KIF5C: variants seen among roughly 807,000 people sequenced by gnomAD.
KIF5C encodes kinesin family member 5C, also known as kinesin heavy chain isoform 5C.
In KIF5C, 18 loss-of-function variants were observed where a neutral mutation model predicts 125.2. That is an observed-to-expected ratio of 0.14 (90% CI 0.10 to 0.21). KIF5C has a LOEUF of 0.21. Ranked by LOEUF, KIF5C falls within the 10% of genes least tolerant of loss-of-function variation. The probability of loss-of-function intolerance (pLI) is 1.00; values close to 1 mark genes in which losing one functional copy is unlikely to be tolerated. For missense variants in KIF5C, 780 were observed against 1,183.8 expected, an observed-to-expected ratio of 0.66 and a Z score of 5.01; for synonymous variants, 405 against 434.0, an observed-to-expected ratio of 0.93 and a Z score of 0.83.
chr2:148,982,421 T>TCCTGGGCTTGTGC (rs1681261759), intron 14 of KIF5C, among the ~76,000 whole-genome samples: 1 of 152,220 alleles, frequency 6.6e-6, no homozygotes, highest in Non-Finnish European at 1.5e-5. Context: ...TGGCCTGGTG[T>TCCTGGGCTTGTGC]CCTGGGCTTG....
At chr2:148,931,527 G>A (rs1452547010) in intron 3 of KIF5C, among the ~76,000 whole-genome samples, 1 of 152,172 alleles carries the variant, frequency 6.6e-6, no homozygotes, top group African/African-American at 2.4e-5. Context: ...GCCAGGCGTG[G>A]TGGCGCACAT....
At chr2:148,986,883 A>C (rs962962408) in intron 15 of KIF5C, among the ~76,000 whole-genome samples, 2 of 152,254 alleles carry the variant, frequency 1.3e-5, no homozygotes, top group Non-Finnish European at 2.9e-5. Context: ...CAACAAAACA[A>C]GATGAGTCCA....
At chr2:148,935,125 AT>A in intron 3 of KIF5C, 2 of 367,780 alleles carry the variant, frequency 5.4e-6, no homozygotes, top group Non-Finnish European at 1.1e-5. Context: ...TCTCACATTG[AT>A]TTTAGGGTGA....
chr2:148,875,569 G>GCCCCGGCCCCCCCCCCCCCC lies in KIF5C; in HGVS notation c.-37_-36insCCCCCCCCCCCCGGCCCCCC. 1 of 689,868 alleles carries GCCCCGGCCCCCCCCCCCCCC rather than the reference G, an allele frequency of 1.4e-6. No individual in the cohort carries two copies. Among genetic ancestry groups the GCCCCGGCCCCCCCCCCCCCC allele is most frequent in the Non-Finnish European group, 2.6e-6 (1 of 380,192 alleles). 42.7% of individuals were successfully genotyped at this position (689,868 alleles called of 1,614,324 possible). A position where few individuals can be genotyped will look rare whatever the true frequency, so the allele number is the denominator to read the frequency against. The stretch of plus-strand genomic sequence containing the variant: ...GCGGCCTCCTCCCTCGTCGTTCCCG[G>GCCCCGGCCCCCCCCCCCCCC]CCCCGGCCCCCCACCCATCCCCGTG... On this transcript the variant is annotated 5_prime_UTR_variant, in exon 1 of 26. Transcript: ENST00000435030.
rs147176570 is a variant in KIF5C at position 149,016,955 on chromosome 2, G to T, written c.*7+5272G>T. The stretch of plus-strand genomic sequence containing the variant: ...CCTGAGGATCATGTGGGGGCACAGA[G>T]GTCAAGTGAAGACCTTGACCCTAGA... On this transcript the variant is annotated intron_variant, in intron 25 of 25. Transcript: ENST00000435030. Among the ~76,000 whole-genome samples, 16 of 152,258 alleles carry T rather than the reference G, an allele frequency of 1.1e-4. 1 individual carries two copies. The highest frequency in any genetic ancestry group is 3.9e-4 in the African/African-American group (16 of 41,532).
At chr2:148,951,568 T>C (rs1455580186) in intron 10 of KIF5C, among the ~76,000 whole-genome samples, 1 of 152,172 alleles carries the variant, frequency 6.6e-6, no homozygotes, top group Non-Finnish European at 1.5e-5. Context: ...CCCAGAGTGC[T>C]TGCGGTTCTG....
chr2:149,022,165 G>A (rs1682550746), intron 25 of KIF5C, among the ~76,000 whole-genome samples: 1 of 152,074 alleles, frequency 6.6e-6, no homozygotes, highest in Admixed American at 6.5e-5. Flanking sequence ...CTGGGTTAGG[G>A]GCCTTGTTGC....
intron 25 of KIF5C, among the ~76,000 whole-genome samples, chr2:149,021,431 C>G (rs1682531692): frequency 6.6e-6 from 1 of 151,304 alleles, no homozygotes; most frequent in Non-Finnish European, 1.5e-5. Flanking sequence ...AGTTTCTGTT[C>G]CGTATTTCTT....
intron 25 of KIF5C, among the ~76,000 whole-genome samples, chr2:149,013,891 G>A (rs375654990): frequency 8.6e-5 from 13 of 152,046 alleles, no homozygotes; most frequent in African/African-American, 3.1e-4. Flanking sequence ...CAAGACCTTC[G>A]GAGTGAAAGA....
intron 25 of KIF5C, among the ~76,000 whole-genome samples, chr2:149,013,734 G>T (rs1285019175): frequency 1.3e-5 from 2 of 152,148 alleles, no homozygotes; most frequent in African/African-American, 4.8e-5. Flanking sequence ...TGTGCAGTGG[G>T]ACAGTCACCT....
At chr2:148,938,315 C>T (rs1682335381) in intron 4 of KIF5C, among the ~76,000 whole-genome samples, 2 of 152,148 alleles carry the variant, frequency 1.3e-5, no homozygotes, top group African/African-American at 4.8e-5. Flanking sequence ...CAAAATTCAT[C>T]CTTTTAAAGT....
chr2:148,950,217 G>T, intron 9 of KIF5C, 97 bp from the exon 10 acceptor site: 1 of 1,510,358 alleles, frequency 6.6e-7, no homozygotes, highest in Non-Finnish European at 8.9e-7. Flanking sequence ...TGTTTTACTC[G>T]GTTTCTAAGC....
intron 15 of KIF5C, among the ~76,000 whole-genome samples, chr2:148,984,435 C>T (rs1250098820): frequency 1.3e-5 from 2 of 152,186 alleles, no homozygotes; most frequent in East Asian, 3.8e-4. Context: ...GTCAAGTTCT[C>T]AGGCTTTTTC....
At chr2:148,908,092 A>G (rs73966639) in intron 1 of KIF5C, among the ~76,000 whole-genome samples, 25,374 of 152,228 alleles carry the variant, frequency 0.17, 3,413 homozygotes, top group African/African-American at 0.37. Flanking sequence ...CACAAACACC[A>G]ATGTGGAATT....
At chr2:148,979,436 C>T (rs763227263) in intron 13 of KIF5C, among the ~76,000 whole-genome samples, 5 of 152,154 alleles carry the variant, frequency 3.3e-5, no homozygotes, top group Non-Finnish European at 7.4e-5. Context: ...GCCACCATAC[C>T]TAGCTAATTT....
intron 3 of KIF5C, among the ~76,000 whole-genome samples, chr2:148,936,945 C>T (rs1682304203): frequency 6.6e-6 from 1 of 152,194 alleles, no homozygotes; most frequent in Admixed American, 6.5e-5. Context: ...TATTCTCGTT[C>T]CTTCTCCTGC....
rs1682598470 is a variant in KIF5C, at chr2:149,023,575, C to A, written c.*505C>A. 2.0e-5 allele frequency: 3 copies of A among 152,630 alleles called. No homozygotes were observed. Among genetic ancestry groups the A allele is most frequent in the African/African-American group, 7.2e-5 (3 of 41,454 alleles). 9.5% of individuals were successfully genotyped at this position (152,630 alleles called of 1,614,324 possible). The stretch of plus-strand genomic sequence containing the variant: ...TTTCCTTCTGAACACTTTTCCGAAA[C>A]AAATTACCCCAAAGACACATTTTGA... On this transcript the variant is annotated 3_prime_UTR_variant, in exon 26 of 26. Transcript: ENST00000435030.
At chr2:148,939,031 G>C (rs540565632) in intron 4 of KIF5C, among the ~76,000 whole-genome samples, 1 of 151,272 alleles carries the variant, frequency 6.6e-6, no homozygotes, top group South Asian at 2.1e-4. Context: ...GGAGGCAGAG[G>C]TTGCAGTGAG....
At chr2:148,908,013 G>A (rs1021483266) in intron 1 of KIF5C, among the ~76,000 whole-genome samples, 5 of 152,186 alleles carry the variant, frequency 3.3e-5, no homozygotes, top group Non-Finnish European at 2.9e-5. Context: ...CCAGCCACTC[G>A]GTTGCTTTTG....
Sources: allele counts gnomAD v4.1 joint callset (sites outside exome capture counted in the v4.1 genomes callset), GRCh38; gene constraint gnomAD v4.1.1; transcripts MANE v1.5; gene names NCBI Gene and HGNC (gene_info 2026-07-23, HGNC 2026-07-21).